L3MBTL4: variants seen among roughly 807,000 people sequenced by gnomAD.
The protein encoded by L3MBTL4 is L3MBTL histone methyl-lysine binding protein 4.
L3MBTL4 carries 70 observed loss-of-function variants against 84.5 expected under a neutral mutation model. The observed-to-expected ratio is 0.83, with a 90% CI of 0.68 to 1.01. L3MBTL4 has a LOEUF of 1.01. Among genes scored for constraint, L3MBTL4 ranks in the 50% least tolerant of loss-of-function variants. The pLI, the probability that L3MBTL4 is intolerant of heterozygous loss-of-function variation, is 0.00. For missense variants in L3MBTL4, 715 were observed against 754.8 expected, an observed-to-expected ratio of 0.95 and a Z score of 0.62; for synonymous variants, 274 against 259.8, an observed-to-expected ratio of 1.05 and a Z score of -0.52.
intron 16 of L3MBTL4, among the ~76,000 whole-genome samples, chr18:6,076,992 C>A (rs149391558): frequency 1.6e-3 from 244 of 152,212 alleles, no homozygotes; most frequent in African/African-American, 5.6e-3. Flanking sequence ...CTCATGAATG[C>A]AAATGCACTT....
intron 10 of L3MBTL4, among the ~76,000 whole-genome samples, chr18:6,217,315 C>A (rs2046367452): frequency 6.6e-6 from 1 of 152,182 alleles, no homozygotes; most frequent in African/African-American, 2.4e-5. Flanking sequence ...GAAATCCCTA[C>A]CCTCGCTTCC....
At chr18:6,343,505 T>C (rs1307863317) in intron 1 of L3MBTL4, among the ~76,000 whole-genome samples, 2 of 151,366 alleles carry the variant, frequency 1.3e-5, no homozygotes, top group Non-Finnish European at 2.9e-5. Flanking sequence ...CTACTAAAAA[T>C]ACAAAAAAAA....
At chr18:6,347,562 T>C (rs1432643380) in intron 1 of L3MBTL4, among the ~76,000 whole-genome samples, 1 of 151,210 alleles carries the variant, frequency 6.6e-6, no homozygotes, top group African/African-American at 2.4e-5. Flanking sequence ...GGGAGGAAAA[T>C]ATATGACTTC....
At chr18:6,028,314 T>C (rs888676341) in intron 16 of L3MBTL4, among the ~76,000 whole-genome samples, 6 of 152,198 alleles carry the variant, frequency 3.9e-5, no homozygotes, top group African/African-American at 1.4e-4. Context: ...CCATTGTTGT[T>C]TTGTCAGGTT....
intron 13 of L3MBTL4, among the ~76,000 whole-genome samples, chr18:6,150,922 C>A (rs2042866017): frequency 6.6e-6 from 1 of 152,230 alleles, no homozygotes; most frequent in Non-Finnish European, 1.5e-5. Context: ...CATTCAAATT[C>A]TAACTTTCCA....
chr18:6,279,002 C>T (rs537536534), intron 4 of L3MBTL4, among the ~76,000 whole-genome samples: 3 of 151,814 alleles, frequency 2.0e-5, no homozygotes, highest in Non-Finnish European at 4.4e-5. Flanking sequence ...TGACCAGGAA[C>T]GTAGAGAAAA....
At chr18:6,400,826 A>G (rs1386155003) in intron 1 of L3MBTL4, among the ~76,000 whole-genome samples, 3 of 152,208 alleles carry the variant, frequency 2.0e-5, no homozygotes, top group African/African-American at 2.4e-5. Context: ...ACTGTAATCT[A>G]CAGAGAGGTT....
At chr18:6,029,158 A>G (rs895201809) in intron 16 of L3MBTL4, among the ~76,000 whole-genome samples, 3 of 152,222 alleles carry the variant, frequency 2.0e-5, no homozygotes, top group Non-Finnish European at 4.4e-5. Flanking sequence ...TCTATCAGCA[A>G]ATAAAAGAAC....
Position 6,166,151 on chromosome 18 carries a change from C to G in L3MBTL4, c.1096+5677G>C, listed in dbSNP as rs537497695. On this transcript the variant is annotated intron_variant, in intron 13 of 18. Coordinates refer to ENST00000317931, the MANE Select transcript of L3MBTL4 (RefSeq NM_001330559.2). ...TAACTATCCTAAATATATATGCACCCAATACAGGAGCACCCAGATTCATAA... is the reference window on the plus strand; with the variant it reads ...TAACTATCCTAAATATATATGCACCGAATACAGGAGCACCCAGATTCATAA... Among the ~76,000 whole-genome samples the G allele has an allele frequency of 8.7e-4, 133 of 152,250 alleles. No individual in the cohort carries two copies. The South Asian group carries it at 0.013, about 15-fold the overall frequency.
At chr18:6,389,566 A>G (rs2054960862) in intron 1 of L3MBTL4, among the ~76,000 whole-genome samples, 1 of 152,204 alleles carries the variant, frequency 6.6e-6, no homozygotes, top group Non-Finnish European at 1.5e-5. Flanking sequence ...CCCATCTAAC[A>G]TGTAAGAATT....
chr18:6,323,884 G>A lies in L3MBTL4; in HGVS notation c.-90-11828C>T, dbSNP rs576146433. ...CTAATAGCTAAGACAATAGGGAAAA[G>A]GCCCTGAAAGCATTTCAGAGACATT... On this transcript the variant is annotated intron_variant, in intron 1 of 18. Coordinates refer to ENST00000317931, the MANE Select transcript of L3MBTL4 (RefSeq NM_001330559.2). 3.3e-5 allele frequency among the ~76,000 whole-genome samples: 5 copies of A among 152,342 alleles called. No individual in the cohort carries two copies. In the South Asian group the frequency reaches 1.0e-3, roughly 32 times the overall value.
chr18:6,221,749 AC>A (rs976425435), intron 10 of L3MBTL4, among the ~76,000 whole-genome samples: 4 of 152,174 alleles, frequency 2.6e-5, no homozygotes, highest in African/African-American at 9.7e-5. Context: ...CATTTTAAGA[AC>A]CTGAATTATA....
chr18:6,384,309 T>C (rs1238315345), intron 1 of L3MBTL4, among the ~76,000 whole-genome samples: 4 of 152,058 alleles, frequency 2.6e-5, no homozygotes, highest in Non-Finnish European at 2.9e-5. Context: ...ACACAAACCA[T>C]ACATACAAAT....
At chr18:6,138,036 C>A (rs9949123) in intron 14 of L3MBTL4, among the ~76,000 whole-genome samples, 158 bp downstream of exon 14, 2,583 of 152,178 alleles carry the variant, frequency 0.017, 80 homozygotes, top group African/African-American at 0.058. Flanking sequence ...AGTTGGCAGG[C>A]AGAGGAAAAT....
intron 4 of L3MBTL4, among the ~76,000 whole-genome samples, chr18:6,265,114 T>TA (rs1183829514): frequency 7.9e-5 from 12 of 152,220 alleles, no homozygotes; most frequent in African/African-American, 2.4e-4. Context: ...AAATGTGTAA[T>TA]AGATTAAATG....
intron 5 of L3MBTL4, chr18:6,260,301 T>G (rs1210178411): frequency 6.6e-6 from 1 of 152,204 alleles, no homozygotes. Flanking sequence ...TAGAGTAAGT[T>G]TTTTTGGTTC....
At chr18:5,986,453 G>C (rs928328947) in intron 16 of L3MBTL4, among the ~76,000 whole-genome samples, 4 of 152,176 alleles carry the variant, frequency 2.6e-5, no homozygotes, top group Non-Finnish European at 5.9e-5. Context: ...TTCAGTGTTT[G>C]CATGCAACAT....
At chr18:5,958,840 A>G (rs1190586053) in intron 18 of L3MBTL4, among the ~76,000 whole-genome samples, 1 of 152,172 alleles carries the variant, frequency 6.6e-6, no homozygotes, top group Non-Finnish European at 1.5e-5. Context: ...CTAAAGTGAC[A>G]GTACTGGTCA....
intron 16 of L3MBTL4, among the ~76,000 whole-genome samples, chr18:6,050,877 T>TAC (rs760786936): frequency 6.6e-6 from 1 of 152,204 alleles, no homozygotes; most frequent in Non-Finnish European, 1.5e-5. Context: ...CTTAATGTGC[T>TAC]ACATATTGAA....
Sources: allele counts gnomAD v4.1 joint callset (sites outside exome capture counted in the v4.1 genomes callset), GRCh38; gene constraint gnomAD v4.1.1; transcripts MANE v1.5; gene names NCBI Gene and HGNC (gene_info 2026-07-23, HGNC 2026-07-21).